The following RNGTT variants were observed in gnomAD, a reference collection of about 807,000 sequenced individuals.
RNGTT encodes the protein mRNA-capping enzyme.
A neutral mutation model predicts 79.3 loss-of-function variants in RNGTT; 33 were observed. The ratio of observed to expected loss-of-function variants is 0.42; its 90% CI spans 0.32 to 0.56. The LOEUF (loss-of-function observed/expected upper bound fraction) is 0.56. RNGTT is among the 20% of genes least tolerant of loss of function. The probability of loss-of-function intolerance (pLI) is 0.17; values close to 1 mark genes in which losing one functional copy is unlikely to be tolerated. For missense variants in RNGTT, 497 were observed against 739.1 expected (o/e 0.67, Z 3.80); for synonymous variants, 222 against 235.9 (o/e 0.94, Z 0.54).
chr6:88,670,023 G>C (rs1292813510), intron 14 of RNGTT, among the ~76,000 whole-genome samples: 2 of 152,178 alleles, frequency 1.3e-5, no homozygotes, highest in East Asian at 3.9e-4. Flanking sequence ...TGTTAGCCCG[G>C]CAAGAAACCC....
At chr6:88,844,914 C>T (rs910645184) in intron 10 of RNGTT, among the ~76,000 whole-genome samples, 2 of 151,906 alleles carry the variant, frequency 1.3e-5, no homozygotes, top group African/African-American at 2.4e-5. Flanking sequence ...AGAGCAAGAC[C>T]ACCACTTCCA....
At chr6:88,817,888 T>C (rs1780370712) in intron 11 of RNGTT, among the ~76,000 whole-genome samples, 1 of 149,942 alleles carries the variant, frequency 6.7e-6, no homozygotes, top group South Asian at 2.1e-4. Flanking sequence ...GCCTCCCAAG[T>C]AGCTGGGACT....
intron 8 of RNGTT, among the ~76,000 whole-genome samples, chr6:88,886,602 C>T (rs984043432): frequency 2.6e-5 from 4 of 152,058 alleles, no homozygotes; most frequent in African/African-American, 7.2e-5. Context: ...TTTTTAAATG[C>T]TTAATTATTA....
rs530154568 is a variant in RNGTT at position 88,701,274 on chromosome 6, A to G, written c.1440-22855T>C. 2.6e-5 allele frequency among the ~76,000 whole-genome samples: 4 copies of G among 152,202 alleles called. No individual in the cohort carries two copies. In the East Asian group the frequency reaches 7.7e-4, roughly 29 times the overall value. On this transcript the variant is annotated intron_variant, in intron 13 of 15. Coordinates refer to ENST00000369485, the MANE Select transcript of RNGTT (RefSeq NM_003800.5). ...GGCCTAATTTTCCAAGCTCTACTAAAGCCTGGATGAACTATCCTCCAGGAT... is the reference window on the plus strand; with the variant it reads ...GGCCTAATTTTCCAAGCTCTACTAAGGCCTGGATGAACTATCCTCCAGGAT...
chr6:88,661,890 G>A (rs767303288), intron 14 of RNGTT, among the ~76,000 whole-genome samples: 1 of 152,160 alleles, frequency 6.6e-6, no homozygotes, highest in African/African-American at 2.4e-5. Context: ...CAATATCTCT[G>A]ATGAACACAG....
At chr6:88,935,360 T>A (rs1784633102) in intron 2 of RNGTT, among the ~76,000 whole-genome samples, 1 of 152,180 alleles carries the variant, frequency 6.6e-6, no homozygotes, top group Non-Finnish European at 1.5e-5. Context: ...TGCCCACAGC[T>A]TTGTTCCTTT....
rs1772026084 is a variant in RNGTT, at chr6:88,611,584, CAG to C, written c.*1133_*1134del. 1 of 152,282 alleles carries C rather than the reference CAG, an allele frequency of 6.6e-6. No individual in the cohort carries two copies. Among genetic ancestry groups the C allele is most frequent in the South Asian group, 2.1e-4 (1 of 4,822 alleles). 9.4% of individuals were successfully genotyped at this position (152,282 alleles called of 1,614,324 possible). A position where few individuals can be genotyped will look rare whatever the true frequency, so the allele number is the denominator to read the frequency against. On this transcript the variant is annotated 3_prime_UTR_variant, in exon 16 of 16. Transcript: ENST00000369485. ...AACATTTTAAAATTCAGATGTATAA[CAG>C]AAATAACATCCGCAGAATAGAATGT...
chr6:88,896,479 A>G (rs1783252478), intron 6 of RNGTT, among the ~76,000 whole-genome samples: 1 of 152,206 alleles, frequency 6.6e-6, no homozygotes, highest in African/African-American at 2.4e-5. Context: ...TCTCCCAGGA[A>G]AATCAGGAAT....
chr6:88,820,022 T>C (rs1307245329), intron 11 of RNGTT, among the ~76,000 whole-genome samples: 2 of 152,110 alleles, frequency 1.3e-5, no homozygotes. Context: ...TATGAGATTG[T>C]ACAGAATCAT....
intron 13 of RNGTT, among the ~76,000 whole-genome samples, chr6:88,745,764 A>T (rs1225085267): frequency 6.7e-6 from 1 of 148,874 alleles, no homozygotes; most frequent in African/African-American, 2.4e-5. Context: ...TGTCGTATTA[A>T]AAAAAAAAAG....
chr6:88,926,803 G>A (rs1784333197), intron 4 of RNGTT, among the ~76,000 whole-genome samples: 1 of 152,196 alleles, frequency 6.6e-6, no homozygotes, highest in African/African-American at 2.4e-5. Context: ...AAAAGAAAAT[G>A]AGACAATGTG....
chr6:88,743,874 T>C (rs1030434418), intron 13 of RNGTT, among the ~76,000 whole-genome samples: 1 of 152,170 alleles, frequency 6.6e-6, no homozygotes, highest in African/African-American at 2.4e-5. Flanking sequence ...ACCATACTGT[T>C]TTCCACAGCA....
intron 14 of RNGTT, among the ~76,000 whole-genome samples, chr6:88,676,846 T>C (rs1774895148): frequency 1.3e-5 from 2 of 152,168 alleles, no homozygotes; most frequent in South Asian, 4.2e-4. Flanking sequence ...ATCTCAGTCA[T>C]TACGGAAATG....
chr6:88,721,478 A>T (rs1159018826), intron 13 of RNGTT, among the ~76,000 whole-genome samples: 1 of 151,676 alleles, frequency 6.6e-6, no homozygotes, highest in Admixed American at 6.6e-5. Flanking sequence ...ATTTTTTCCA[A>T]GTTCTCATCA....
At chr6:88,717,619 T>C (rs1247171267) in intron 13 of RNGTT, among the ~76,000 whole-genome samples, 1 of 152,088 alleles carries the variant, frequency 6.6e-6, no homozygotes. Flanking sequence ...TTTCTTTTTG[T>C]CTCATGTATT....
At chr6:88,843,233 T>A (rs1455342109) in intron 11 of RNGTT, among the ~76,000 whole-genome samples, 1 of 151,688 alleles carries the variant, frequency 6.6e-6, no homozygotes, top group African/African-American at 2.4e-5. Context: ...TGGAAAGGAA[T>A]TTGGCAGTAG....
intron 1 of RNGTT, among the ~76,000 whole-genome samples, chr6:88,945,359 G>T (rs1784973825): frequency 6.6e-6 from 1 of 152,240 alleles, no homozygotes; most frequent in African/African-American, 2.4e-5. Flanking sequence ...GTCACCAACA[G>T]ATTTTACCAA....
At chr6:88,951,156 G>C (rs1324849774) in intron 1 of RNGTT, among the ~76,000 whole-genome samples, 3 of 152,070 alleles carry the variant, frequency 2.0e-5, no homozygotes, top group Non-Finnish European at 2.9e-5. Context: ...ACCGCACCTG[G>C]CCAATACAAA....
Position 88,893,222 on chromosome 6 carries a change from A to T in RNGTT, c.685-1307T>A, listed in dbSNP as rs192486727. ...CAGATAATTTCAATATCCTTAAAAA[A>T]TTGTTTCTTATGCTAATTAAAAAAG... On this transcript the variant is annotated intron_variant, in intron 6 of 15. Transcript: ENST00000369485. Among the ~76,000 whole-genome samples, 905 of 152,224 alleles carry T rather than the reference A, an allele frequency of 5.9e-3. 4 individuals are homozygous for T. Among genetic ancestry groups the T allele is most frequent in the Middle Eastern group, 0.017 (5 of 294 alleles).
Sources: allele counts gnomAD v4.1 joint callset (sites outside exome capture counted in the v4.1 genomes callset), GRCh38; gene constraint gnomAD v4.1.1; transcripts MANE v1.5; gene names NCBI Gene and HGNC (gene_info 2026-07-23, HGNC 2026-07-21).